The following NXN variants were observed in gnomAD, a reference collection of about 807,000 sequenced individuals.
NXN encodes the protein nucleoredoxin.
A neutral mutation model predicts 48.6 loss-of-function variants in NXN; 16 were observed. The ratio of observed to expected loss-of-function variants is 0.33; its 90% CI spans 0.22 to 0.50. The LOEUF (loss-of-function observed/expected upper bound fraction) is 0.50. Among genes scored for constraint, NXN ranks in the 20% least tolerant of loss-of-function variants. The pLI, the probability that NXN is intolerant of heterozygous loss-of-function variation, is 0.98. For missense variants in NXN, 492 were observed against 605.5 expected (o/e 0.81, Z 1.97); for synonymous variants, 281 against 269.6 (o/e 1.04, Z -0.41).
intron 1 of NXN, among the ~76,000 whole-genome samples, chr17:947,498 C>T (rs12950829): frequency 0.62 from 94,709 of 151,758 alleles, 30,348 homozygotes; most frequent in Non-Finnish European, 0.71. Context: ...TGCAGGAGGC[C>T]GAGGTGGGCG....
intron 1 of NXN, among the ~76,000 whole-genome samples, chr17:945,691 C>A (rs1056510219): frequency 6.6e-6 from 1 of 151,206 alleles, no homozygotes; most frequent in Admixed American, 6.6e-5. Context: ...ATCACAAAGT[C>A]GGTGGATATT....
intron 5 of NXN, among the ~76,000 whole-genome samples, chr17:807,895 G>A (rs551779353): frequency 1.3e-4 from 20 of 152,332 alleles, no homozygotes; most frequent in East Asian, 7.7e-4. Flanking sequence ...TGCTAGGCAC[G>A]GCACAGATGG....
chr17:969,426 G>A (rs1430688358), intron 1 of NXN, among the ~76,000 whole-genome samples: 2 of 152,162 alleles, frequency 1.3e-5, no homozygotes, highest in Non-Finnish European at 2.9e-5. Context: ...TACCATAATG[G>A]AGTATTTTTG....
intron 1 of NXN, among the ~76,000 whole-genome samples, chr17:972,957 G>A (rs2069407181): frequency 6.6e-6 from 1 of 152,008 alleles, no homozygotes; most frequent in South Asian, 2.1e-4. Flanking sequence ...CAGGAACCCG[G>A]GAGGCGGAGA....
intron 1 of NXN, among the ~76,000 whole-genome samples, chr17:911,488 C>T (rs960917109): frequency 6.6e-5 from 10 of 151,616 alleles, no homozygotes; most frequent in Admixed American, 5.3e-4. Flanking sequence ...TACAGACGCC[C>T]GGCTAATTTT....
intron 1 of NXN, among the ~76,000 whole-genome samples, chr17:877,039 C>T (rs2068224198): frequency 6.6e-6 from 1 of 151,200 alleles, no homozygotes; most frequent in South Asian, 2.1e-4. Flanking sequence ...GAGATTGCAC[C>T]ACTGCACTCC....
At chr17:834,122 C>G (rs1913653952) in intron 1 of NXN, among the ~76,000 whole-genome samples, 1 of 152,170 alleles carries the variant, frequency 6.6e-6, no homozygotes, top group Admixed American at 6.5e-5. Flanking sequence ...GAGTTCAAGA[C>G]CAGCCTGGAC....
chr17:948,532 G>C (rs1464893547), intron 1 of NXN, among the ~76,000 whole-genome samples: 1 of 152,060 alleles, frequency 6.6e-6, no homozygotes, highest in Non-Finnish European at 1.5e-5. Context: ...GAACTGTACA[G>C]GGCCCGGCCC....
At chr17:911,157 T>C (rs1346699866) in intron 1 of NXN, 1 of 152,084 alleles carries the variant, frequency 6.6e-6, no homozygotes, top group Non-Finnish European at 1.5e-5. Flanking sequence ...GAACATTATG[T>C]TTCTGTCTCC....
rs561830027 is a variant in NXN, at chr17:830,518, G to T, written c.361-4440C>A. On this transcript the variant is annotated intron_variant, in intron 1 of 7. Transcript: ENST00000336868. The surrounding 1 kb of genome is among the most constrained non-coding windows in gnomAD (Gnocchi z 4.2). ...ACAAGCCACAGGCACGCCGCGGGAG[G>T]CCACCTGAGGCCCAAGAGCCCGTGT... Among the ~76,000 whole-genome samples, 1 of 152,258 alleles carries T rather than the reference G, an allele frequency of 6.6e-6. No homozygotes were observed. Among genetic ancestry groups the T allele is most frequent in the East Asian group, 1.9e-4 (1 of 5,174 alleles).
intron 1 of NXN, among the ~76,000 whole-genome samples, chr17:884,259 G>A (rs1327362662): frequency 7.7e-6 from 1 of 129,158 alleles, no homozygotes; most frequent in Non-Finnish European, 1.7e-5. Flanking sequence ...ATAAAACGAA[G>A]CTGTGTGTAG....
intron 5 of NXN, among the ~76,000 whole-genome samples, chr17:818,696 C>T (rs758548077): frequency 5.3e-5 from 8 of 152,132 alleles, no homozygotes; most frequent in East Asian, 2.0e-4. Flanking sequence ...CCATCCTGGC[C>T]AACATGGTGA....
chr17:842,457 G>T (rs1021512820), intron 1 of NXN: 17 of 949,810 alleles, frequency 1.8e-5, no homozygotes, highest in Non-Finnish European at 2.1e-5. Context: ...ATCCCGGCGG[G>T]GAAGGCCACG....
At chr17:857,638 C>CA (rs2067999706) in intron 1 of NXN, among the ~76,000 whole-genome samples, 1 of 152,138 alleles carries the variant, frequency 6.6e-6, no homozygotes, top group African/African-American at 2.4e-5. Context: ...CTTCAGTTTT[C>CA]AAGAATATTC....
At chr17:865,542 G>A (rs549822164) in intron 1 of NXN, among the ~76,000 whole-genome samples, 10 of 151,708 alleles carry the variant, frequency 6.6e-5, no homozygotes, top group African/African-American at 1.9e-4. Context: ...ACGCCCGGCC[G>A]AGTTACACAT....
At chr17:887,065 C>T (rs1289037269) in intron 1 of NXN, among the ~76,000 whole-genome samples, 9 of 151,368 alleles carry the variant, frequency 5.9e-5, no homozygotes, top group Non-Finnish European at 1.2e-4. Context: ...TGAACCACCA[C>T]ACTTGGCTAA....
intron 1 of NXN, among the ~76,000 whole-genome samples, chr17:948,853 C>A (rs2069077192): frequency 9.6e-6 from 1 of 104,156 alleles, no homozygotes. Flanking sequence ...CCTGCCTCCT[C>A]CTCTCCCCGC....
intron 1 of NXN, among the ~76,000 whole-genome samples, chr17:870,625 C>T (rs550112382): frequency 3.3e-4 from 50 of 152,058 alleles, no homozygotes; most frequent in Non-Finnish European, 5.4e-4. Context: ...TGTGGTGTCC[C>T]GTGCCTGTAG....
At chr17:953,529 T>C (rs1291387242) in intron 1 of NXN, among the ~76,000 whole-genome samples, 1 of 152,188 alleles carries the variant, frequency 6.6e-6, no homozygotes, top group Non-Finnish European at 1.5e-5. Context: ...AACATTTTTA[T>C]AACTTCCTCG....
Sources: gnomAD v4.1 joint callset for allele counts (sites outside exome capture counted in the v4.1 genomes callset) on GRCh38, gnomAD v4.1.1 for gene constraint, Gnocchi (gnomAD v3.1) non-coding constraint, MANE v1.5 for transcripts, NCBI Gene and HGNC (gene_info 2026-07-23, HGNC 2026-07-21) for gene names.